SNTG2: variants seen among roughly 807,000 people sequenced by gnomAD.
SNTG2 encodes the protein syntrophin gamma 2, also known as gamma-2-syntrophin.
In SNTG2, 74 loss-of-function variants were observed where a neutral mutation model predicts 70.9. That is an observed-to-expected ratio of 1.04 (90% confidence interval 0.86 to 1.27). The LOEUF (loss-of-function observed/expected upper bound fraction) is 1.27. Ranked by LOEUF, SNTG2 falls within the 50% of genes most tolerant of loss-of-function variation. The pLI, the probability that SNTG2 is intolerant of heterozygous loss-of-function variation, is 0.00. For synonymous variants in SNTG2, 278 were observed against 273.8 expected, an observed-to-expected ratio of 1.02 and a Z score of -0.15; for missense variants, 717 against 690.7, an observed-to-expected ratio of 1.04 and a Z score of -0.43.
intron 4 of SNTG2, among the ~76,000 whole-genome samples, chr2:1,109,296 T>C (rs917058522): frequency 6.6e-6 from 1 of 152,060 alleles, no homozygotes; most frequent in Admixed American, 6.5e-5. Context: ...GGATGGAATT[T>C]ACATGTGGTG....
rs540524766 is a variant in SNTG2 at position 1,253,673 on chromosome 2, G to A, written c.1006-5697G>A. 1.1e-4 allele frequency among the ~76,000 whole-genome samples: 16 copies of A among 152,262 alleles called. No homozygotes were observed. The South Asian group carries it at 3.3e-3, about 32-fold the overall frequency. On this transcript the variant is annotated intron_variant, in intron 12 of 16. Coordinates refer to ENST00000308624, the MANE Select transcript of SNTG2 (RefSeq NM_018968.4). ...TAGAGAAAAGAAGGTGTATTCGTCT[G>A]TGTTCACATTGCTCTAAAGAAATGC...
At chr2:1,040,728 C>T (rs1302900391) in intron 1 of SNTG2, among the ~76,000 whole-genome samples, 5 of 152,150 alleles carry the variant, frequency 3.3e-5, no homozygotes, top group East Asian at 1.9e-4. Context: ...TTTCAAAAGA[C>T]GTGATGAAGA....
intron 4 of SNTG2, among the ~76,000 whole-genome samples, chr2:1,109,754 G>A (rs1439434438): frequency 1.3e-5 from 2 of 152,148 alleles, no homozygotes; most frequent in African/African-American, 2.4e-5. Flanking sequence ...AAATAATAAT[G>A]CTTCGTAAGA....
chr2:1,067,323 T>C (rs2148127450), intron 1 of SNTG2, among the ~76,000 whole-genome samples: 1 of 151,662 alleles, frequency 6.6e-6, no homozygotes, highest in African/African-American at 2.4e-5. Flanking sequence ...TTTATCACTA[T>C]GTCATAGTTA....
At chr2:1,323,828 C>T (rs1381039704) in intron 16 of SNTG2, among the ~76,000 whole-genome samples, 3 of 150,790 alleles carry the variant, frequency 2.0e-5, no homozygotes, top group South Asian at 2.1e-4. Context: ...AGATGCCCCC[C>T]AGTAGTCTGG....
rs756989662 is a variant in SNTG2, at chr2:1,238,018, G to A, written c.849+1G>A. ...CATCAGGGAGCTGACACTTCAGAAC[G>A]TGAGCACACGGTGTTTCTGAGTCTC... is the stretch of plus-strand genomic sequence containing the variant. On this transcript the variant is annotated splice_donor_variant, in intron 10 of 16. Coordinates refer to ENST00000308624, the MANE Select transcript of SNTG2 (RefSeq NM_018968.4). LOFTEE classifies it high-confidence loss of function. The A allele has an allele frequency of 5.6e-6, 9 of 1,608,350 alleles. No homozygotes were observed. Among genetic ancestry groups the A allele is most frequent in the Middle Eastern group, 1.7e-4 (1 of 6,056 alleles).
chr2:1,209,292 T>TA, intron 9 of SNTG2, 62 bp downstream of exon 9: 1 of 1,602,006 alleles, frequency 6.2e-7, no homozygotes, highest in African/African-American at 1.3e-5. Flanking sequence ...TGCCAGTTCC[T>TA]ACAGGCCGCT....
intron 6 of SNTG2, among the ~76,000 whole-genome samples, chr2:1,150,696 A>G (rs756087718): frequency 7.0e-5 from 7 of 100,006 alleles, no homozygotes; most frequent in Non-Finnish European, 1.5e-4. Context: ...CGACCCACTC[A>G]GCAGCAAATG....
intron 4 of SNTG2, among the ~76,000 whole-genome samples, chr2:1,129,992 T>C (rs1379116936): frequency 6.6e-6 from 1 of 152,264 alleles, no homozygotes; most frequent in East Asian, 1.9e-4. Context: ...GGAGCAAGTC[T>C]ACTTCTTATT....
At chr2:981,653 A>G (rs928429568) in intron 1 of SNTG2, among the ~76,000 whole-genome samples, 1 of 152,220 alleles carries the variant, frequency 6.6e-6, no homozygotes, top group Non-Finnish European at 1.5e-5. Flanking sequence ...GTGCTCATAC[A>G]TGCACATGAA....
intron 8 of SNTG2, among the ~76,000 whole-genome samples, chr2:1,179,459 A>G (rs1383588420): frequency 6.6e-6 from 1 of 152,192 alleles, no homozygotes; most frequent in Non-Finnish European, 1.5e-5. Flanking sequence ...GTGAACTCCC[A>G]TTCACAATTG....
At chr2:1,061,189 G>A (rs1662798399) in intron 1 of SNTG2, among the ~76,000 whole-genome samples, 1 of 152,110 alleles carries the variant, frequency 6.6e-6, no homozygotes, top group Non-Finnish European at 1.5e-5. Context: ...ACGCTGGAGT[G>A]GAAAGAATGA....
intron 1 of SNTG2, among the ~76,000 whole-genome samples, chr2:982,376 G>C (rs1661133599): frequency 1.3e-5 from 2 of 152,080 alleles, no homozygotes; most frequent in Admixed American, 1.3e-4. Context: ...CTATTAATCT[G>C]GATGCTCCCT....
chr2:953,180 T>G (rs1660033788), intron 1 of SNTG2, among the ~76,000 whole-genome samples: 1 of 152,196 alleles, frequency 6.6e-6, no homozygotes, highest in Non-Finnish European at 1.5e-5. Context: ...TCCCGATGTT[T>G]TTTTCTAAGT....
intron 12 of SNTG2, among the ~76,000 whole-genome samples, chr2:1,256,876 G>T (rs1198120641): frequency 6.6e-6 from 1 of 152,158 alleles, no homozygotes; most frequent in African/African-American, 2.4e-5. Context: ...GTCAGGAAAA[G>T]CCTCAGGGCT....
At chr2:993,005 C>T (rs1237996158) in intron 1 of SNTG2, among the ~76,000 whole-genome samples, 1 of 151,824 alleles carries the variant, frequency 6.6e-6, no homozygotes, top group Non-Finnish European at 1.5e-5. Context: ...CTTTATATCT[C>T]TAAAGATTTG....
At chr2:1,337,354 A>T (rs906975748) in intron 16 of SNTG2, among the ~76,000 whole-genome samples, 1 of 152,152 alleles carries the variant, frequency 6.6e-6, no homozygotes, top group Non-Finnish European at 1.5e-5. Flanking sequence ...CACATCCTCA[A>T]CAACACTTCC....
intron 1 of SNTG2, among the ~76,000 whole-genome samples, chr2:1,025,751 A>T (rs1367463509): frequency 6.6e-6 from 1 of 152,096 alleles, no homozygotes; most frequent in Admixed American, 6.5e-5. Context: ...GTCATCCGGG[A>T]TGACCCCCAT....
At chr2:1,208,529 C>T (rs536955299) in intron 8 of SNTG2, among the ~76,000 whole-genome samples, 2 of 152,138 alleles carry the variant, frequency 1.3e-5, no homozygotes, top group Non-Finnish European at 1.5e-5. Flanking sequence ...GGGGCTGCTG[C>T]GTGGTGCTGT....
Sources: gnomAD v4.1 joint callset for allele counts (sites outside exome capture counted in the v4.1 genomes callset) on GRCh38, gnomAD v4.1.1 for gene constraint, MANE v1.5 for transcripts, NCBI Gene and HGNC (gene_info 2026-07-23, HGNC 2026-07-21) for gene names.